Variants in SLC8A1 observed in about 807,000 individuals in gnomAD.
SLC8A1 encodes the protein sodium/calcium exchanger 1.
Under a neutral mutation model 68.3 loss-of-function variants are expected in SLC8A1, and 18 were observed. The ratio of observed to expected loss-of-function variants is 0.26; its 90% CI spans 0.18 to 0.39. The LOEUF (loss-of-function observed/expected upper bound fraction) is 0.39. SLC8A1 is among the 10% of genes least tolerant of loss of function. The pLI is 1.00. For missense variants in SLC8A1, 985 were observed against 1,156.7 expected (o/e 0.85, Z 2.15); for synonymous variants, 475 against 415.5 (o/e 1.14, Z -1.74).
intron 2 of SLC8A1, among the ~76,000 whole-genome samples, chr2:40,265,198 G>A (rs1559022412): frequency 6.6e-6 from 1 of 152,144 alleles, no homozygotes; most frequent in African/African-American, 2.4e-5. Context: ...GCATGAGTAA[G>A]AAATAGATCT....
rs766716697 is a variant in SLC8A1 at position 40,428,463 on chromosome 2, T to C, written c.1808+10A>G. 6 of 1,565,660 alleles carry C rather than the reference T, an allele frequency of 3.8e-6. No homozygotes were observed. Among genetic ancestry groups the C allele is most frequent in the South Asian group, 2.4e-5 (2 of 81,714 alleles). ...CACACACACACACACATATATAATA[T>C]AGAACTTACACAATTTCATCATTCT... On this transcript the variant is annotated intron_variant, in intron 2 of 7. Coordinates refer to ENST00000406785, the Ensembl canonical transcript of SLC8A1.
At chr2:40,128,608 T>C (rs745662919) in intron 7 of SLC8A1, among the ~76,000 whole-genome samples, 9 of 152,160 alleles carry the variant, frequency 5.9e-5, no homozygotes, top group Non-Finnish European at 1.2e-4. Flanking sequence ...AAACATCAGG[T>C]ACTGCCCTAA....
intron 2 of SLC8A1, among the ~76,000 whole-genome samples, chr2:40,389,608 A>G (rs1293371195): frequency 6.6e-6 from 1 of 151,772 alleles, no homozygotes; most frequent in African/African-American, 2.4e-5. Context: ...ATAACCCCAG[A>G]CCATCCAACT....
chr2:40,158,212 A>G (rs1343045517), intron 6 of SLC8A1, among the ~76,000 whole-genome samples: 2 of 152,196 alleles, frequency 1.3e-5, no homozygotes, highest in Admixed American at 6.5e-5. Context: ...TTAAAATCCA[A>G]TGAAAGTCTG....
chr2:40,255,498 A>G (rs567391321), intron 2 of SLC8A1, among the ~76,000 whole-genome samples: 7 of 152,348 alleles, frequency 4.6e-5, no homozygotes, highest in Admixed American at 3.3e-4. Flanking sequence ...GCTGATGTGT[A>G]GTAGGGAGAA....
chr2:40,399,591 A>C (rs1024103687), intron 2 of SLC8A1, among the ~76,000 whole-genome samples: 2 of 152,130 alleles, frequency 1.3e-5, no homozygotes, highest in African/African-American at 2.4e-5. Flanking sequence ...AGAATGAAAA[A>C]CCATCTAAAT....
chr2:40,280,875 T>C (rs2067416044), intron 2 of SLC8A1, among the ~76,000 whole-genome samples: 2 of 152,200 alleles, frequency 1.3e-5, no homozygotes, highest in Non-Finnish European at 2.9e-5. Flanking sequence ...GGGTAAAACA[T>C]GACTTCAGTT....
chr2:40,303,241 C>G (rs1012222237), intron 2 of SLC8A1, among the ~76,000 whole-genome samples: 1 of 152,194 alleles, frequency 6.6e-6, no homozygotes, highest in East Asian at 1.9e-4. Flanking sequence ...CCTTGCCACA[C>G]CCCTGTAGCA....
intron 2 of SLC8A1, among the ~76,000 whole-genome samples, chr2:40,247,315 C>G (rs1439290099): frequency 6.6e-6 from 1 of 152,144 alleles, no homozygotes; most frequent in East Asian, 1.9e-4. Flanking sequence ...CAGCCAGGCT[C>G]TAGGTTAAGC....
chr2:40,324,278 G>T (rs1256524136), intron 2 of SLC8A1, among the ~76,000 whole-genome samples: 1 of 152,092 alleles, frequency 6.6e-6, no homozygotes. Flanking sequence ...GGTAAGAAGG[G>T]CTTACATTTT....
chr2:40,432,268 C>CA (rs1698485801), intron 1 of SLC8A1, among the ~76,000 whole-genome samples: 1 of 151,650 alleles, frequency 6.6e-6, no homozygotes. Flanking sequence ...AGTGATAAAA[C>CA]AAAGTCTCTG....
chr2:40,511,196 A>G (rs1321162069), intron 1 of SLC8A1, among the ~76,000 whole-genome samples: 2 of 152,194 alleles, frequency 1.3e-5, no homozygotes, highest in African/African-American at 4.8e-5. Context: ...TAGCTAAGTA[A>G]AAACAATTGG....
chr2:40,183,575 T>G (rs976210018), intron 2 of SLC8A1, among the ~76,000 whole-genome samples: 1 of 152,198 alleles, frequency 6.6e-6, no homozygotes, highest in Non-Finnish European at 1.5e-5. Flanking sequence ...CTTGTTAGAA[T>G]TGCAGAATCA....
At chr2:40,118,193 C>T (rs571298952) in intron 7 of SLC8A1, 1 of 152,178 alleles carries the variant, frequency 6.6e-6, no homozygotes, top group Non-Finnish European at 1.5e-5. Flanking sequence ...GATATTATGC[C>T]TCTTGGATAG....
rs1392729361 is a variant in SLC8A1, at chr2:40,252,990, T to A, written c.1809-75135A>T. 2.8e-5 allele frequency among the ~76,000 whole-genome samples: 4 copies of A among 142,510 alleles called. No individual in the cohort carries two copies. In the East Asian group the frequency reaches 8.1e-4, roughly 29 times the overall value. The allele number at this position is 142,510 out of a possible 152,430, so 93.5% of individuals were successfully genotyped here. A position where few individuals can be genotyped will look rare whatever the true frequency, so the allele number is the denominator to read the frequency against. ...GTATGTACATATATGTATCTGTATA[T>A]ATGTATATACATATATATGTATCTG... On this transcript the variant is annotated intron_variant, in intron 2 of 7. Coordinates refer to ENST00000406785, the Ensembl canonical transcript of SLC8A1.
intron 1 of SLC8A1, among the ~76,000 whole-genome samples, chr2:40,476,780 T>C (rs1005380080): frequency 2.0e-5 from 3 of 152,158 alleles, no homozygotes; most frequent in Non-Finnish European, 4.4e-5. Context: ...TTGAACACCA[T>C]AGGAAGTCAT....
At chr2:40,250,571 T>A (rs941669124) in intron 2 of SLC8A1, 6 of 152,184 alleles carry the variant, frequency 3.9e-5, no homozygotes, top group African/African-American at 1.4e-4. Context: ...CTGATGCCTA[T>A]CTCTCTGAAG....
At position 40,347,619 on chromosome 2, in the gene SLC8A1, G is replaced by A. The variant is rs118082887; in HGVS notation, c.1808+80854C>T. On this transcript the variant is annotated intron_variant, in intron 2 of 7. Coordinates refer to ENST00000406785, the Ensembl canonical transcript of SLC8A1. Reference sequence around the variant, plus strand: ...AGAAAATCCATGATTTACCTTTAGTGGTACTAAGACTTCTAATTGTCTATA... The same window carrying A: ...AGAAAATCCATGATTTACCTTTAGTAGTACTAAGACTTCTAATTGTCTATA... Among the ~76,000 whole-genome samples the A allele has an allele frequency of 6.2e-4, 94 of 152,256 alleles. 2 individuals are homozygous for A. The East Asian group carries it at 0.015, about 24-fold the overall frequency.
chr2:40,133,845 C>G (rs922330398), intron 7 of SLC8A1, among the ~76,000 whole-genome samples: 1 of 152,092 alleles, frequency 6.6e-6, no homozygotes, highest in African/African-American at 2.4e-5. Context: ...GCTGGAATGT[C>G]CTGGCCCAAT....
Sources: allele counts gnomAD v4.1 joint callset (sites outside exome capture counted in the v4.1 genomes callset), GRCh38; gene constraint gnomAD v4.1.1; transcripts MANE v1.5; gene names NCBI Gene and HGNC (gene_info 2026-07-23, HGNC 2026-07-21).